NID1: variants seen among roughly 807,000 people sequenced by gnomAD.
The protein encoded by NID1 is nidogen 1.
In NID1, 76 loss-of-function variants were observed where a neutral mutation model predicts 130.6. That is an observed-to-expected ratio of 0.58 (90% CI 0.48 to 0.70). NID1 has a LOEUF of 0.70. Among genes scored for constraint, NID1 ranks in the 30% least tolerant of loss-of-function variants. NID1 has a pLI of 0.00. For missense variants in NID1, 1,517 were observed against 1,664.8 expected (o/e 0.91, Z 1.54); for synonymous variants, 665 against 675.1 (o/e 0.98, Z 0.23).
rs746278790 is a variant in NID1, at chr1:236,013,393, A to G, written c.2404+18T>C. The G allele has an allele frequency of 4.3e-6, 7 of 1,613,292 alleles. No individual in the cohort carries two copies. Among genetic ancestry groups the G allele is most frequent in the East Asian group, 4.5e-5 (2 of 44,896 alleles). On this transcript the variant is annotated intron_variant, in intron 11 of 19. Coordinates refer to ENST00000264187, the MANE Select transcript of NID1 (RefSeq NM_002508.3). ...TTTCTCAGGTTACACACAGGGGAAG[A>G]TCAGAGCAACCACACACCTTGGCAG...
intron 7 of NID1, among the ~76,000 whole-genome samples, 184 bp downstream of exon 7, chr1:236,029,366 C>T (rs778290635): frequency 3.0e-4 from 45 of 152,080 alleles, no homozygotes; most frequent in Admixed American, 5.2e-4. Context: ...CTTTTTTGCA[C>T]AAAATTCTCT....
At chr1:236,013,691 G>A (rs1658500642) in intron 10 of NID1, 131 bp from the exon 11 acceptor site, 7 of 951,758 alleles carry the variant, frequency 7.4e-6, no homozygotes, top group South Asian at 4.8e-5. Flanking sequence ...AGCTTCACCT[G>A]CACCCCACTC....
At position 236,045,051 on chromosome 1, in the gene NID1, T is replaced by A. The variant is rs1478458085; in HGVS notation, c.752+406A>T. ...CCGTCTCTACTAAAAATACAAGAAT[T>A]AGCTGGGCATGGTGGCACACACCTG... On this transcript the variant is annotated intron_variant, in intron 3 of 19. Coordinates refer to ENST00000264187, the MANE Select transcript of NID1 (RefSeq NM_002508.3). 7.2e-5 allele frequency among the ~76,000 whole-genome samples: 11 copies of A among 151,906 alleles called. No homozygotes were observed. The East Asian group carries it at 1.4e-3, about 19-fold the overall frequency.
chr1:236,043,499 T>C (rs975596944), intron 3 of NID1, among the ~76,000 whole-genome samples: 1 of 152,126 alleles, frequency 6.6e-6, no homozygotes, highest in African/African-American at 2.4e-5. Flanking sequence ...CGTGGTTTTT[T>C]AGAAATCCCA....
chr1:236,031,457 C>T (rs186766742), intron 6 of NID1, among the ~76,000 whole-genome samples: 21 of 152,314 alleles, frequency 1.4e-4, no homozygotes, highest in Admixed American at 2.6e-4. Context: ...TTTCTTAAGA[C>T]GGCCACACTT....
chr1:236,064,443 TC>T (rs1411296045), intron 1 of NID1: 1 of 200,102 alleles, frequency 5.0e-6, no homozygotes, highest in Non-Finnish European at 1.0e-5. Flanking sequence ...GCGATCCAGC[TC>T]CGGCTCTTGC....
chr1:235,985,636 TTTA>T, intron 14 of NID1, 131 bp from the exon 15 acceptor site: 3 of 1,081,274 alleles, frequency 2.8e-6, no homozygotes, highest in Non-Finnish European at 4.0e-6. Context: ...TTTAAAAATT[TTTA>T]TTATTGAGTT....
At chr1:236,022,452 T>C (rs67198005) in intron 9 of NID1, among the ~76,000 whole-genome samples, 88,637 of 148,656 alleles carry the variant, frequency 0.6, 27,490 homozygotes, top group East Asian at 0.76. Flanking sequence ...ACTTCTCCTG[T>C]CTCTCCTACT....
chr1:236,055,951 T>C (rs1659888954), intron 1 of NID1, among the ~76,000 whole-genome samples: 1 of 152,028 alleles, frequency 6.6e-6, no homozygotes, highest in Non-Finnish European at 1.5e-5. Flanking sequence ...CCGTGATAGA[T>C]CAACGGGACA....
intron 8 of NID1, among the ~76,000 whole-genome samples, chr1:236,025,292 C>T (rs1347805211): frequency 1.5e-5 from 2 of 135,028 alleles, no homozygotes; most frequent in Non-Finnish European, 3.0e-5. Context: ...GACAGAGTCT[C>T]ACTCTGTCGC....
chr1:236,053,191 T>C lies in NID1; in HGVS notation c.226-4202A>G, dbSNP rs567435069. ...CTTGGTTGTTTTTATTCATCTTAAA[T>C]GTATGTAGAGCTCACATTTATTTAT... is the stretch of plus-strand genomic sequence containing the variant. On this transcript the variant is annotated intron_variant, in intron 1 of 19. Transcript: ENST00000264187. 4.6e-5 allele frequency among the ~76,000 whole-genome samples: 7 copies of C among 152,340 alleles called. No homozygotes were observed. In the South Asian group the frequency reaches 1.2e-3, roughly 27 times the overall value.
At chr1:236,057,429 C>A (rs577079273) in intron 1 of NID1, among the ~76,000 whole-genome samples, 3 of 151,940 alleles carry the variant, frequency 2.0e-5, no homozygotes, top group Non-Finnish European at 4.4e-5. Flanking sequence ...ATGATTCCCT[C>A]CTTCTTGAAA....
intron 12 of NID1, among the ~76,000 whole-genome samples, chr1:236,000,690 G>C (rs1185202171): frequency 6.6e-6 from 1 of 152,214 alleles, no homozygotes. Flanking sequence ...ACCTGTCTCA[G>C]ATACTTTTTG....
intron 12 of NID1, among the ~76,000 whole-genome samples, 195 bp from the exon 13 acceptor site, chr1:235,994,067 TA>T (rs1453451324): frequency 6.6e-6 from 1 of 152,268 alleles, no homozygotes; most frequent in Non-Finnish European, 1.5e-5. Context: ...AAATGATATT[TA>T]CATCTCCTTT....
chr1:236,024,020 C>T lies in NID1; in HGVS notation c.2128+50G>A, dbSNP rs764458231. On this transcript the variant is annotated intron_variant, in intron 9 of 19. Transcript: ENST00000264187. The stretch of plus-strand genomic sequence containing the variant: ...TCTGGTTTACAGAACGTGGATGCCT[C>T]CTCCTCGCCTGATTTCCCAGCCCCA... The T allele has an allele frequency of 3.7e-6, 6 of 1,605,190 alleles. No homozygotes were observed. The African/African-American group carries it at 8.0e-5, about 21-fold the overall frequency.
intron 12 of NID1, among the ~76,000 whole-genome samples, chr1:236,009,315 C>T (rs1658340985): frequency 6.6e-6 from 1 of 152,208 alleles, no homozygotes; most frequent in Non-Finnish European, 1.5e-5. Context: ...GAGCCTTCGC[C>T]AGACACTCAA....
intron 12 of NID1, among the ~76,000 whole-genome samples, chr1:236,001,551 T>C (rs774611166): frequency 6.6e-6 from 1 of 152,218 alleles, no homozygotes; most frequent in Non-Finnish European, 1.5e-5. Context: ...TTCATCCTCA[T>C]GTTCCTAGGG....
intron 13 of NID1, among the ~76,000 whole-genome samples, chr1:235,992,508 T>C (rs888495106): frequency 2.6e-5 from 4 of 152,192 alleles, no homozygotes; most frequent in Non-Finnish European, 5.9e-5. Context: ...CTTAGAAACG[T>C]GGCTCACACG....
intron 9 of NID1, among the ~76,000 whole-genome samples, chr1:236,023,638 AT>A (rs35548936): frequency 0.58 from 87,332 of 150,892 alleles, 25,838 homozygotes; most frequent in East Asian, 0.76. Context: ...ACCGCAAACA[AT>A]TTTTTTTTTT....
Sources: allele counts gnomAD v4.1 joint callset (sites outside exome capture counted in the v4.1 genomes callset), GRCh38; gene constraint gnomAD v4.1.1; transcripts MANE v1.5; gene names NCBI Gene and HGNC (gene_info 2026-07-23, HGNC 2026-07-21).